The following BTG4 variants were observed in gnomAD, a reference collection of about 807,000 sequenced individuals.
BTG4 encodes protein BTG4.
Under a neutral mutation model 19.3 loss-of-function variants are expected in BTG4, and 10 were observed. The observed-to-expected ratio is 0.52, with a 90% CI of 0.32 to 0.88. The LOEUF is 0.88. Among genes scored for constraint, BTG4 ranks in the 40% least tolerant of loss-of-function variants. The probability of loss-of-function intolerance (pLI) is 0.04; values close to 1 mark genes in which losing one functional copy is unlikely to be tolerated. For missense variants in BTG4, 238 were observed against 281.9 expected (o/e 0.84, Z 1.11); for synonymous variants, 91 against 95.7 (o/e 0.95, Z 0.29).
intron 1 of BTG4, chr11:111,507,880 GC>G (rs1313309943): frequency 1.3e-5 from 2 of 152,184 alleles, no homozygotes; most frequent in Admixed American, 6.5e-5. Context: ...TGAAGAATCA[GC>G]CAGCAGACCT....
At chr11:111,386,959 T>C in the BTG4 span, among the ~76,000 whole-genome samples, 13 of 152,354 alleles carry the variant, frequency 8.5e-5, no homozygotes, top group African/African-American at 2.6e-4. Flanking sequence ...AGAGCCTGGT[T>C]TGGAATCTGG....
chr11:111,454,105 A>C, the BTG4 span: 21 of 328,480 alleles, frequency 6.4e-5, no homozygotes. Context: ...TTACCCAAGA[A>C]CTACACTTTC....
chr11:111,477,703 A>G (rs1864477774), intron 5 of BTG4, among the ~76,000 whole-genome samples: 1 of 152,118 alleles, frequency 6.6e-6, no homozygotes, highest in Admixed American at 6.5e-5. Context: ...TATATTCCAG[A>G]CTTGGAAATA....
At chr11:111,457,423 T>A in the BTG4 span, 1 of 153,374 alleles carries the variant, frequency 6.5e-6, no homozygotes, top group Non-Finnish European at 1.5e-5. Context: ...CTCAGCATTG[T>A]CCTCCCTCGC....
chr11:111,471,595 A>T (rs1471708417), intron 5 of BTG4, among the ~76,000 whole-genome samples: 1 of 151,850 alleles, frequency 6.6e-6, no homozygotes, highest in Admixed American at 6.6e-5. Flanking sequence ...CCGGCCTCTT[A>T]ATGTTGGAGG....
Position 111,497,358 on chromosome 11 carries a change from C to T in BTG4, c.363G>A (p.Trp121Ter), listed in dbSNP as rs768355689. ...TTTGTTGATATAGTTCCCATTCCTCCCATCTGCCTTTAAAAGAAGCAACTG... is the reference window on the plus strand; with the variant it reads ...TTTGTTGATATAGTTCCCATTCCTCTCATCTGCCTTTAAAAGAAGCAACTG... ...PFTVASFKGR[W>*]EEWELYQQIS... Residue 121 changes from tryptophan to a stop codon, truncating the protein, a stop_gained, in exon 4 of 5, where the codon TGG becomes TGA. Transcript: ENST00000692032. LOFTEE classifies it high-confidence loss of function. 6.9e-6 allele frequency: 10 copies of T among 1,439,082 alleles called. No individual in the cohort carries two copies. The highest frequency in any genetic ancestry group is 9.1e-6 in the Non-Finnish European group (10 of 1,092,902). The allele number at this position is 1,439,082 out of a possible 1,614,324, so 89.1% of individuals were successfully genotyped here.
the BTG4 span, among the ~76,000 whole-genome samples, chr11:111,437,488 CA>C: frequency 6.6e-6 from 1 of 152,176 alleles, no homozygotes; most frequent in Non-Finnish European, 1.5e-5. Context: ...ATTCCCAAAT[CA>C]CCATGCTCCA....
the BTG4 span, among the ~76,000 whole-genome samples, chr11:111,442,546 C>CACACACACACACACACA: frequency 4.9e-5 from 7 of 141,678 alleles, no homozygotes; most frequent in African/African-American, 8.0e-5. Flanking sequence ...ACACACACAC[C>CACACACACACACACACA]AGATGAGCCT....
intron 5 of BTG4, among the ~76,000 whole-genome samples, chr11:111,472,315 G>A (rs1591451638): frequency 2.6e-5 from 4 of 152,130 alleles, no homozygotes; most frequent in Admixed American, 1.3e-4. Context: ...CACTTCTCTC[G>A]AGGGTTCCCT....
At chr11:111,385,757 C>T in the BTG4 span, 2 of 152,084 alleles carry the variant, frequency 1.3e-5, no homozygotes, top group Admixed American at 1.3e-4. Context: ...AGAAAAATAA[C>T]TCTTAGAAAC....
At chr11:111,472,008 C>A (rs1306575349) in intron 5 of BTG4, among the ~76,000 whole-genome samples, 2 of 152,184 alleles carry the variant, frequency 1.3e-5, no homozygotes, top group Admixed American at 1.3e-4. Flanking sequence ...AACTACAATA[C>A]CACCCTTGTG....
At chr11:111,404,683 C>A in the BTG4 span, 63 of 456,060 alleles carry the variant, frequency 1.4e-4, no homozygotes, top group Non-Finnish European at 2.7e-4. Flanking sequence ...ATGGCAGGAG[C>A]TGCTGGGTGA....
At position 111,507,322 on chromosome 11, in the gene BTG4, C is replaced by A. The variant is rs572886489; in HGVS notation, c.-27+4859G>T. Among the ~76,000 whole-genome samples, 3 of 152,218 alleles carry A rather than the reference C, an allele frequency of 2.0e-5. No individual in the cohort carries two copies. In the East Asian group the frequency reaches 5.8e-4, roughly 29 times the overall value. ...CAGACTACTAACTAGCTTATTGAAA[C>A]CTTAAAATTACTTTTATAAACCTGA... On this transcript the variant is annotated intron_variant, in intron 1 of 4. Transcript: ENST00000692032.
chr11:111,501,364 C>A (rs1180875579), intron 1 of BTG4, among the ~76,000 whole-genome samples: 1 of 152,022 alleles, frequency 6.6e-6, no homozygotes, highest in East Asian at 1.9e-4. Context: ...GAGCAAAGAC[C>A]CTCTCTCAAA....
At chr11:111,433,040 C>G in the BTG4 span, among the ~76,000 whole-genome samples, 1 of 152,084 alleles carries the variant, frequency 6.6e-6, no homozygotes, top group African/African-American at 2.4e-5. Flanking sequence ...AAGCCCTTGT[C>G]ATCTTAACTG....
chr11:111,498,272 C>T (rs1865860363), intron 2 of BTG4, 137 bp from the exon 3 acceptor site: 1 of 917,198 alleles, frequency 1.1e-6, no homozygotes, highest in South Asian at 1.6e-5. Flanking sequence ...CTCCTCCACC[C>T]TCCACTCTTA....
At chr11:111,456,629 C>G in the BTG4 span, 1 of 436,412 alleles carries the variant, frequency 2.3e-6, no homozygotes, top group Non-Finnish European at 4.7e-6. The surrounding 1 kb of genome is among the most constrained non-coding windows in gnomAD (Gnocchi z 4.2). Flanking sequence ...GGCTCCATAC[C>G]CCCTGGCTAC....
At chr11:111,465,591 G>A (rs7479690), downstream of BTG4, among the ~76,000 whole-genome samples, 17,456 of 152,184 alleles carry the variant, frequency 0.11, 1,137 homozygotes, top group South Asian at 0.21. Context: ...CATATTGCTA[G>A]TGAGTAGTTC....
chr11:111,454,244 T>G, the BTG4 span: 1 of 455,368 alleles, frequency 2.2e-6, no homozygotes, highest in South Asian at 1.6e-5. Context: ...AGGTGGGAGC[T>G]GGGAGGCTGA....
Sources: allele counts gnomAD v4.1 joint callset (sites outside exome capture counted in the v4.1 genomes callset), GRCh38; gene constraint gnomAD v4.1.1; non-coding constraint Gnocchi (gnomAD v3.1); transcripts MANE v1.5; gene names NCBI Gene and HGNC (gene_info 2026-07-23, HGNC 2026-07-21).